TGFBR1: variants seen among roughly 807,000 people sequenced by gnomAD.
The protein encoded by TGFBR1 is transforming growth factor beta receptor 1, also known as TGF-beta receptor type-1.
In TGFBR1, 20 loss-of-function variants were observed where a neutral mutation model predicts 55.1. That is an observed-to-expected ratio of 0.36 (90% CI 0.26 to 0.53). The LOEUF (loss-of-function observed/expected upper bound fraction) is 0.53, where lower values mean the gene tolerates loss of function less well. TGFBR1 is among the 20% of genes least tolerant of loss of function. The pLI is 0.91. For missense variants in TGFBR1, 385 were observed against 617.6 expected, an observed-to-expected ratio of 0.62 and a Z score of 3.99; for synonymous variants, 220 against 214.8, an observed-to-expected ratio of 1.02 and a Z score of -0.21.
At chr9:99,134,799 CCATTATATATATATATA>C (rs1827368614) in intron 3 of TGFBR1, among the ~76,000 whole-genome samples, 3 of 69,746 alleles carry the variant, frequency 4.3e-5, no homozygotes, top group African/African-American at 1.6e-4. Context: ...AATTCTGTTT[CCATTATATATATATATA>C]TATATATATA....
chr9:99,115,546 T>A (rs1041408444), intron 1 of TGFBR1, among the ~76,000 whole-genome samples: 9 of 152,168 alleles, frequency 5.9e-5, no homozygotes, highest in African/African-American at 1.7e-4. Context: ...TGAAAAGACA[T>A]ACAGAGATAG....
rs573047039 is a variant in TGFBR1, at chr9:99,133,034, T to C, written c.574+295T>C. On this transcript the variant is annotated intron_variant, in intron 3 of 8. Transcript: ENST00000374994. ...TAATTTGCTTTTCATCACTGTGAGG[T>C]AGAAAGGATAAGAACAATTATTCTC... Among the ~76,000 whole-genome samples the C allele has an allele frequency of 1.1e-4, 16 of 152,274 alleles. No individual in the cohort carries two copies. In the East Asian group the frequency reaches 3.1e-3, roughly 29 times the overall value.
intron 4 of TGFBR1, among the ~76,000 whole-genome samples, chr9:99,142,226 G>A (rs555665382): frequency 2.0e-5 from 3 of 152,072 alleles, no homozygotes; most frequent in Admixed American, 1.3e-4. Flanking sequence ...ATTTTTCTAG[G>A]CACTTAAGAG....
At position 99,154,040 on chromosome 9, in the gene TGFBR1, G is replaced by C. The variant is rs1267792601; in HGVS notation, c.*4735G>C. On this transcript the variant is annotated 3_prime_UTR_variant, in exon 9 of 9. Transcript: ENST00000374994. Reference sequence around the variant, plus strand: ...GATTGACTCTGGGGAGGGGCTTTGTGAATAGGATTGCTCTCACATTAAAGA... The same window carrying C: ...GATTGACTCTGGGGAGGGGCTTTGTCAATAGGATTGCTCTCACATTAAAGA... 1 of 223,180 alleles carries C rather than the reference G, an allele frequency of 4.5e-6. No homozygotes were observed. Among genetic ancestry groups the C allele is most frequent in the African/African-American group, 2.2e-5 (1 of 44,690 alleles). The allele number at this position is 223,180 out of a possible 1,614,324, so 13.8% of individuals were successfully genotyped here. A position where few individuals can be genotyped will look rare whatever the true frequency, so the allele number is the denominator to read the frequency against.
intron 1 of TGFBR1, among the ~76,000 whole-genome samples, chr9:99,112,370 C>A (rs1389724779): frequency 6.6e-6 from 1 of 152,150 alleles, no homozygotes; most frequent in Non-Finnish European, 1.5e-5. Context: ...CAGATGACAC[C>A]TTTTTCTCAG....
chr9:99,133,259 T>C (rs1393642902), intron 3 of TGFBR1, among the ~76,000 whole-genome samples: 1 of 152,236 alleles, frequency 6.6e-6, no homozygotes, highest in Non-Finnish European at 1.5e-5. Context: ...ATTAAACTAA[T>C]GAACTCTTAT....
At position 99,151,409 on chromosome 9, in the gene TGFBR1, T is replaced by C; in HGVS notation, c.*2104T>C. On this transcript the variant is annotated 3_prime_UTR_variant, in exon 9 of 9. Coordinates refer to ENST00000374994, the MANE Select transcript of TGFBR1 (RefSeq NM_004612.4). ...GGGTTTTTTTTTTGTTTTTTTTTTTTTGTTGTTGTTTTTGGGCCATTTCTA... is the reference window on the plus strand; with the variant it reads ...GGGTTTTTTTTTTGTTTTTTTTTTTCTGTTGTTGTTTTTGGGCCATTTCTA... 1 of 166,648 alleles carries C rather than the reference T, an allele frequency of 6.0e-6. No homozygotes were observed. The highest frequency in any genetic ancestry group is 1.2e-5 in the Non-Finnish European group (1 of 85,326). 10.3% of individuals were successfully genotyped at this position (166,648 alleles called of 1,614,324 possible).
At chr9:99,133,847 C>CA (rs1173225807) in intron 3 of TGFBR1, among the ~76,000 whole-genome samples, 3 of 151,484 alleles carry the variant, frequency 2.0e-5, no homozygotes, top group Non-Finnish European at 4.4e-5. Flanking sequence ...ATTAAAAATG[C>CA]AAAAAAATTA....
intron 1 of TGFBR1, among the ~76,000 whole-genome samples, chr9:99,105,504 G>A (rs1826383918): frequency 6.6e-6 from 1 of 150,564 alleles, no homozygotes; most frequent in Admixed American, 6.6e-5. Flanking sequence ...CGGGGCAGGG[G>A]CGTGTGTCCG....
chr9:99,149,539 G>T lies in TGFBR1; in HGVS notation c.*234G>T. ...TCTTTCCCAGGACAGAAAATGTGTA[G>T]TCTACCTTTATTTTTTATTAACAAA... On this transcript the variant is annotated 3_prime_UTR_variant, in exon 9 of 9. Coordinates refer to ENST00000374994, the MANE Select transcript of TGFBR1 (RefSeq NM_004612.4). 1 of 499,934 alleles carries T rather than the reference G, an allele frequency of 2.0e-6. No homozygotes were observed. Among genetic ancestry groups the T allele is most frequent in the Admixed American group, 3.5e-5 (1 of 28,428 alleles). 31.0% of individuals were successfully genotyped at this position (499,934 alleles called of 1,614,324 possible).
chr9:99,128,816 A>G, intron 1 of TGFBR1, 39 bp from the exon 2 acceptor site: 1 of 1,611,886 alleles, frequency 6.2e-7, no homozygotes, highest in Non-Finnish European at 8.5e-7. Flanking sequence ...CAAACTGTTA[A>G]CCTTGAGATT....
At chr9:99,121,382 A>C (rs1041745437) in intron 1 of TGFBR1, among the ~76,000 whole-genome samples, 6 of 152,284 alleles carry the variant, frequency 3.9e-5, no homozygotes, top group African/African-American at 1.4e-4. Flanking sequence ...GTATACAGAG[A>C]TAAGCAACAT....
chr9:99,133,881 G>A (rs1827331378), intron 3 of TGFBR1, among the ~76,000 whole-genome samples: 1 of 152,058 alleles, frequency 6.6e-6, no homozygotes, highest in Non-Finnish European at 1.5e-5. Flanking sequence ...GCATGCGCCT[G>A]TAGTCCCAGC....
At chr9:99,105,510 G>C (rs1230223672) in intron 1 of TGFBR1, among the ~76,000 whole-genome samples, 5 of 150,536 alleles carry the variant, frequency 3.3e-5, no homozygotes, top group Non-Finnish European at 7.4e-5. Context: ...AGGGGCGTGT[G>C]TCCGGGCGCG....
Position 99,151,001 on chromosome 9 carries a change from C to T in TGFBR1, c.*1696C>T, listed in dbSNP as rs1428417992. 2 of 227,522 alleles carry T rather than the reference C, an allele frequency of 8.8e-6. No individual in the cohort carries two copies. The highest frequency in any genetic ancestry group is 4.4e-5 in the African/African-American group (2 of 44,960). 14.1% of individuals were successfully genotyped at this position (227,522 alleles called of 1,614,324 possible). A position where few individuals can be genotyped will look rare whatever the true frequency, so the allele number is the denominator to read the frequency against. On this transcript the variant is annotated 3_prime_UTR_variant, in exon 9 of 9. Transcript: ENST00000374994. Reference sequence around the variant, plus strand: ...TCGACTTTATAGTGCTATCAGTTCCCCGATACAGGGTCAGAGTAACCCATA... The same window carrying T: ...TCGACTTTATAGTGCTATCAGTTCCTCGATACAGGGTCAGAGTAACCCATA...
At chr9:99,115,511 T>C (rs1396294874) in intron 1 of TGFBR1, among the ~76,000 whole-genome samples, 1 of 152,248 alleles carries the variant, frequency 6.6e-6, no homozygotes, top group Non-Finnish European at 1.5e-5. Context: ...TTGGGAGCAC[T>C]GAACATGGAG....
rs995468912 is a variant in TGFBR1, at chr9:99,147,531, T to C, written c.1256-123T>C. 8 of 912,292 alleles carry C rather than the reference T, an allele frequency of 8.8e-6. No individual in the cohort carries two copies. In the African/African-American group the frequency reaches 9.9e-5, roughly 11 times the overall value. 56.5% of individuals were successfully genotyped at this position (912,292 alleles called of 1,614,324 possible). On this transcript the variant is annotated intron_variant, in intron 7 of 8. Transcript: ENST00000374994. ...GTGGATGAGATAGAGAAAGCTGTAA[T>C]CTCTGTTCCACATACCTACTTTAGT...
In TGFBR1 at chr9:99,151,324, G is replaced by GT. The variant is rs1398684492; in HGVS notation, c.*2020dup. 4.4e-6 allele frequency: 1 copy of GT among 229,272 alleles called. No individual in the cohort carries two copies. Among genetic ancestry groups the GT allele is most frequent in the Non-Finnish European group, 8.6e-6 (1 of 116,334 alleles). The allele number at this position is 229,272 out of a possible 1,614,324, so 14.2% of individuals were successfully genotyped here. ...GTTTGAGAGGTTTGTTTTTATAGTT[G>GT]TGTTGTATTACTTGTTTAATAATAA... On this transcript the variant is annotated 3_prime_UTR_variant, in exon 9 of 9. Coordinates refer to ENST00000374994, the MANE Select transcript of TGFBR1 (RefSeq NM_004612.4).
At chr9:99,145,579 T>C (rs1827767216) in intron 6 of TGFBR1, among the ~76,000 whole-genome samples, 1 of 152,244 alleles carries the variant, frequency 6.6e-6, no homozygotes, top group Admixed American at 6.5e-5. Context: ...TAGATATTTG[T>C]TGAGTCCATG....
Sources: allele counts gnomAD v4.1 joint callset (sites outside exome capture counted in the v4.1 genomes callset), GRCh38; gene constraint gnomAD v4.1.1; transcripts MANE v1.5; gene names NCBI Gene and HGNC (gene_info 2026-07-23, HGNC 2026-07-21).